The following GRIA4 variants were observed in gnomAD, a reference collection of about 807,000 sequenced individuals.
GRIA4 encodes glutamate ionotropic receptor AMPA type subunit 4.
GRIA4 carries 34 observed loss-of-function variants against 104.0 expected under a neutral mutation model. That is an observed-to-expected ratio of 0.33 (90% CI 0.25 to 0.44). GRIA4 has a LOEUF of 0.44. Among genes scored for constraint, GRIA4 ranks in the 20% least tolerant of loss-of-function variants. GRIA4 has a pLI of 1.00. For missense variants in GRIA4, 750 were observed against 1,096.5 expected, an observed-to-expected ratio of 0.68 and a Z score of 4.46; for synonymous variants, 386 against 381.9, an observed-to-expected ratio of 1.01 and a Z score of -0.13.
intron 3 of GRIA4, among the ~76,000 whole-genome samples, chr11:105,655,270 G>A (rs1951808369): frequency 6.6e-6 from 1 of 152,002 alleles, no homozygotes. Flanking sequence ...ATTATCACTT[G>A]AGGAAAATAA....
chr11:105,909,056 G>A (rs565164979), intron 9 of GRIA4, among the ~76,000 whole-genome samples: 2 of 151,994 alleles, frequency 1.3e-5, no homozygotes, highest in East Asian at 3.9e-4. Flanking sequence ...TGATTCACAG[G>A]GACTATTGAA....
At chr11:105,796,780 C>T (rs971566837) in intron 4 of GRIA4, among the ~76,000 whole-genome samples, 3 of 152,182 alleles carry the variant, frequency 2.0e-5, no homozygotes, top group East Asian at 3.8e-4. Flanking sequence ...TTCAGAGCTA[C>T]TGACACTTTT....
intron 10 of GRIA4, chr11:105,913,453 TAA>T (rs1947314443): frequency 1.3e-5 from 6 of 476,796 alleles, no homozygotes; most frequent in Non-Finnish European, 1.6e-5. Context: ...TTTTTATCTT[TAA>T]GTCTTGTTGA....
At chr11:105,971,411 A>T (rs1858684486) in intron 14 of GRIA4, among the ~76,000 whole-genome samples, 1 of 152,186 alleles carries the variant, frequency 6.6e-6, no homozygotes, top group African/African-American at 2.4e-5. Flanking sequence ...TTTGGATGAA[A>T]GCGGTCAAGA....
intron 14 of GRIA4, among the ~76,000 whole-genome samples, chr11:105,943,422 AT>A (rs910695143): frequency 9.2e-5 from 14 of 152,070 alleles, no homozygotes; most frequent in African/African-American, 3.1e-4. Flanking sequence ...ACTTGTTTTG[AT>A]TTTTTTAGAA....
chr11:105,909,834 A>C (rs982186282), intron 9 of GRIA4, among the ~76,000 whole-genome samples: 1 of 152,170 alleles, frequency 6.6e-6, no homozygotes, highest in Non-Finnish European at 1.5e-5. Context: ...AATGAAAAAC[A>C]TACAAATTTA....
intron 4 of GRIA4, among the ~76,000 whole-genome samples, chr11:105,812,408 T>C (rs1943210807): frequency 6.6e-6 from 1 of 152,222 alleles, no homozygotes. Context: ...TGTGATATCA[T>C]AGTGGTCCAT....
At chr11:105,759,273 T>A (rs1162395086) in intron 4 of GRIA4, among the ~76,000 whole-genome samples, 3 of 152,182 alleles carry the variant, frequency 2.0e-5, no homozygotes, top group Non-Finnish European at 2.9e-5. Context: ...TTGGTTAATA[T>A]TTTATATTAT....
At chr11:105,646,984 C>T (rs1442486960) in intron 3 of GRIA4, among the ~76,000 whole-genome samples, 1 of 152,098 alleles carries the variant, frequency 6.6e-6, no homozygotes, top group Non-Finnish European at 1.5e-5. Flanking sequence ...AGCTTCTGCA[C>T]AGAAAAACAA....
intron 5 of GRIA4, among the ~76,000 whole-genome samples, chr11:105,879,152 C>G (rs888425599): frequency 1.3e-5 from 2 of 152,168 alleles, no homozygotes; most frequent in African/African-American, 4.8e-5. Context: ...AGGGAGTTCC[C>G]TGACCTCTTG....
chr11:105,840,880 T>C (rs932711489), intron 4 of GRIA4, among the ~76,000 whole-genome samples: 3 of 152,228 alleles, frequency 2.0e-5, no homozygotes, highest in African/African-American at 7.2e-5. Flanking sequence ...CCAAAAGGTT[T>C]TGACCTTTCT....
intron 4 of GRIA4, among the ~76,000 whole-genome samples, chr11:105,778,171 A>C (rs1423748089): frequency 1.3e-5 from 2 of 152,194 alleles, no homozygotes; most frequent in African/African-American, 2.4e-5. Flanking sequence ...TTGGTAAAGA[A>C]TTCTCCCTGT....
intron 3 of GRIA4, among the ~76,000 whole-genome samples, chr11:105,734,863 G>C (rs1851812110): frequency 6.6e-6 from 1 of 152,020 alleles, no homozygotes; most frequent in African/African-American, 2.4e-5. Flanking sequence ...ATCAGTACTG[G>C]GTCAATGTAA....
chr11:105,795,744 A>G (rs1160192080), intron 4 of GRIA4, among the ~76,000 whole-genome samples: 4 of 152,144 alleles, frequency 2.6e-5, no homozygotes, highest in Non-Finnish European at 5.9e-5. Context: ...TTAGAAAAAT[A>G]GAAAAATGAA....
chr11:105,758,746 C>G (rs1168675417), intron 4 of GRIA4, among the ~76,000 whole-genome samples: 8 of 152,072 alleles, frequency 5.3e-5, no homozygotes, highest in Admixed American at 5.2e-4. Context: ...CATGTTATAA[C>G]AGGTATTGTA....
intron 4 of GRIA4, among the ~76,000 whole-genome samples, chr11:105,846,179 TG>T (rs1269447355): frequency 3.9e-5 from 6 of 152,204 alleles, no homozygotes; most frequent in Admixed American, 3.3e-4. Flanking sequence ...TACCATTTCT[TG>T]TGGTATATAT....
At chr11:105,654,037 A>G (rs1049616268) in intron 3 of GRIA4, among the ~76,000 whole-genome samples, 19 of 150,918 alleles carry the variant, frequency 1.3e-4, no homozygotes, top group Admixed American at 2.0e-4. Flanking sequence ...AGAAAACAAA[A>G]AAGAAGAAGA....
intron 13 of GRIA4, among the ~76,000 whole-genome samples, chr11:105,931,265 TACACACAC>T (rs373334457): frequency 7.2e-4 from 103 of 143,780 alleles, no homozygotes; most frequent in African/African-American, 2.3e-3. Flanking sequence ...ATTGCCTAAA[TACACACAC>T]ACACACACAC....
chr11:105,843,954 G>A (rs1944483306), intron 4 of GRIA4, among the ~76,000 whole-genome samples: 2 of 151,378 alleles, frequency 1.3e-5, no homozygotes, highest in South Asian at 2.2e-4. Context: ...TGAAGATTAT[G>A]AACTGCTTGA....
Sources: allele counts gnomAD v4.1 joint callset (sites outside exome capture counted in the v4.1 genomes callset), GRCh38; gene constraint gnomAD v4.1.1; transcripts MANE v1.5; gene names NCBI Gene and HGNC (gene_info 2026-07-23, HGNC 2026-07-21).